Variants in ZMIZ1 observed in about 807,000 individuals in gnomAD.
ZMIZ1 encodes zinc finger MIZ-type containing 1, also known as zinc finger MIZ domain-containing protein 1.
A neutral mutation model predicts 113.9 loss-of-function variants in ZMIZ1; 17 were observed. That is an observed-to-expected ratio of 0.15 (90% CI 0.10 to 0.22). The LOEUF is 0.22. ZMIZ1 is among the 10% of genes least tolerant of loss of function. ZMIZ1 has a pLI of 1.00. For missense variants in ZMIZ1, 1,059 were observed against 1,477.8 expected (o/e 0.72, Z 4.65); for synonymous variants, 607 against 603.1 (o/e 1.01, Z -0.09).
At chr10:79,159,611 A>G (rs1029641649) in intron 3 of ZMIZ1, among the ~76,000 whole-genome samples, 2 of 152,208 alleles carry the variant, frequency 1.3e-5, no homozygotes, top group African/African-American at 2.4e-5. Flanking sequence ...TGTGGAAATC[A>G]GGGATGTCAG....
intron 4 of ZMIZ1, among the ~76,000 whole-genome samples, chr10:79,176,298 G>A (rs1290339123): frequency 2.6e-5 from 4 of 152,116 alleles, no homozygotes; most frequent in African/African-American, 7.2e-5. Context: ...TTTAGCAGAT[G>A]TTTACTTAGT....
At chr10:79,196,856 C>T (rs1007236427) in intron 4 of ZMIZ1, among the ~76,000 whole-genome samples, 2 of 152,246 alleles carry the variant, frequency 1.3e-5, no homozygotes, top group African/African-American at 4.8e-5. Flanking sequence ...TCTGCAGCAT[C>T]CTGTTCTGCA....
At chr10:79,260,645 T>G (rs7908992) in intron 7 of ZMIZ1, among the ~76,000 whole-genome samples, 54,111 of 152,036 alleles carry the variant, frequency 0.36, 10,195 homozygotes, top group East Asian at 0.64. Context: ...TTCTGTATAT[T>G]TCTAATTACT....
At chr10:79,175,947 GA>G in intron 4 of ZMIZ1, among the ~76,000 whole-genome samples, 1 of 152,180 alleles carries the variant, frequency 6.6e-6, no homozygotes, top group African/African-American at 2.4e-5. Context: ...GCAGAGAGGG[GA>G]GAGTTTGTGA....
At chr10:79,282,613 A>G (rs1852809894) in intron 8 of ZMIZ1, among the ~76,000 whole-genome samples, 1 of 152,154 alleles carries the variant, frequency 6.6e-6, no homozygotes, top group Non-Finnish European at 1.5e-5. Flanking sequence ...TCTTCCACAC[A>G]AATGCTGTGC....
At chr10:79,088,667 G>A (rs920952393) in intron 1 of ZMIZ1, among the ~76,000 whole-genome samples, 22 of 152,224 alleles carry the variant, frequency 1.4e-4, no homozygotes, top group African/African-American at 4.6e-4. Flanking sequence ...CTACTGTTCC[G>A]ACTCTGAGAT....
In ZMIZ1 at chr10:79,208,186, A is replaced by T. The variant is rs1362121867; in HGVS notation, c.61-150A>T. The T allele has an allele frequency of 6.4e-6, 4 of 625,268 alleles. No homozygotes were observed. The East Asian group carries it at 1.1e-4, about 18-fold the overall frequency. The allele number at this position is 625,268 out of a possible 1,614,324, so 38.7% of individuals were successfully genotyped here. A position where few individuals can be genotyped will look rare whatever the true frequency, so the allele number is the denominator to read the frequency against. ...AGCACAGGGTGTGAAATCGAGCATG[A>T]GGAAACTTACTGATCCCAGCTACCC... On this transcript the variant is annotated intron_variant, in intron 5 of 24. Transcript: ENST00000334512.
intron 7 of ZMIZ1, among the ~76,000 whole-genome samples, chr10:79,266,418 G>A (rs1194496982): frequency 1.3e-5 from 2 of 152,224 alleles, no homozygotes; most frequent in African/African-American, 4.8e-5. Context: ...TACAGGTAGT[G>A]TAATCCTTGG....
chr10:79,269,233 T>C lies in ZMIZ1; in HGVS notation c.281-7948T>C, dbSNP rs555361950. ...TCAGAGGGTCTTGTGTGGCCTTTTG[T>C]AAGCTCATGGGATGGAAGCATCTGA... On this transcript the variant is annotated intron_variant, in intron 7 of 24. Transcript: ENST00000334512. Among the ~76,000 whole-genome samples the C allele has an allele frequency of 4.7e-4, 71 of 152,276 alleles. 1 individual carries two copies. The highest frequency in any genetic ancestry group is 1.6e-3 in the African/African-American group (67 of 41,552).
chr10:79,252,056 G>T (rs937572858), intron 7 of ZMIZ1, among the ~76,000 whole-genome samples: 2 of 152,138 alleles, frequency 1.3e-5, no homozygotes, highest in African/African-American at 4.8e-5. Flanking sequence ...GGCTTCTTCT[G>T]TCCAGGCCAA....
At chr10:79,208,135 G>T (rs1388062306) in intron 5 of ZMIZ1, among the ~76,000 whole-genome samples, 1 of 115,116 alleles carries the variant, frequency 8.7e-6, no homozygotes, top group Non-Finnish European at 1.8e-5. Flanking sequence ...AGGTGGGGGT[G>T]GGGGGGGGTG....
intron 1 of ZMIZ1, among the ~76,000 whole-genome samples, chr10:79,086,601 A>G (rs1842820599): frequency 3.3e-5 from 5 of 151,608 alleles, no homozygotes; most frequent in Admixed American, 3.3e-4. Context: ...GCAGTCTCGA[A>G]CTCCTGGACT....
At chr10:79,193,338 G>C (rs1847687382) in intron 4 of ZMIZ1, among the ~76,000 whole-genome samples, 1 of 152,176 alleles carries the variant, frequency 6.6e-6, no homozygotes, top group Non-Finnish European at 1.5e-5. Flanking sequence ...AATGTAAAAG[G>C]TTTGTCCATG....
At chr10:79,311,273 GCCCCGAAGGGAGGAGGTGGGT>G in intron 24 of ZMIZ1, 89 bp downstream of exon 24, 1 of 317,888 alleles carries the variant, frequency 3.1e-6, no homozygotes, top group Non-Finnish European at 5.5e-6. Flanking sequence ...AGGGCTCGAG[GCCCCGAAGGGAGGAGGTGGGT>G]GGGCGGTGGG....
chr10:79,193,537 A>G (rs969215542), intron 4 of ZMIZ1, among the ~76,000 whole-genome samples: 1 of 152,160 alleles, frequency 6.6e-6, no homozygotes. Flanking sequence ...CTGCCTGTTC[A>G]CCCATCTAAT....
At chr10:79,221,664 C>T (rs1485484597) in intron 7 of ZMIZ1, among the ~76,000 whole-genome samples, 1 of 152,224 alleles carries the variant, frequency 6.6e-6, no homozygotes, top group Non-Finnish European at 1.5e-5. Flanking sequence ...ACCAGGCAGT[C>T]GCCATGTCGA....
chr10:79,090,441 C>T (rs949492671), intron 1 of ZMIZ1, among the ~76,000 whole-genome samples: 17 of 152,100 alleles, frequency 1.1e-4, no homozygotes, highest in Admixed American at 2.6e-4. Context: ...CCTTCTGCCC[C>T]CTCTCAGGGT....
At chr10:79,190,117 G>C (rs748179) in intron 4 of ZMIZ1, among the ~76,000 whole-genome samples, 112,022 of 152,186 alleles carry the variant, frequency 0.74, 42,383 homozygotes, top group African/African-American at 0.89. Context: ...GCAGGGAGAA[G>C]CATAGCTGCT....
chr10:79,313,566 CAACCAA>C lies in ZMIZ1; in HGVS notation c.*819_*824del. 9.8e-6 allele frequency: 2 copies of C among 204,698 alleles called. No individual in the cohort carries two copies. Among genetic ancestry groups the C allele is most frequent in the Non-Finnish European group, 2.0e-5 (2 of 100,674 alleles). 12.7% of individuals were successfully genotyped at this position (204,698 alleles called of 1,614,324 possible). ...GGAACAGAGAGAGCAGGTGTACACCCAACCAAAGTGATTGTGCCCTTGGTTGGGGGG... is the reference window on the plus strand; with the variant it reads ...GGAACAGAGAGAGCAGGTGTACACCCAGTGATTGTGCCCTTGGTTGGGGGG... On this transcript the variant is annotated 3_prime_UTR_variant, in exon 25 of 25. Transcript: ENST00000334512.
Sources: gnomAD v4.1 joint callset for allele counts (sites outside exome capture counted in the v4.1 genomes callset) on GRCh38, gnomAD v4.1.1 for gene constraint, MANE v1.5 for transcripts, NCBI Gene and HGNC (gene_info 2026-07-23, HGNC 2026-07-21) for gene names.